DRAM2: variants seen among roughly 807,000 people sequenced by gnomAD.
DRAM2 encodes DNA damage-regulated autophagy modulator protein 2.
Under a neutral mutation model 33.5 loss-of-function variants are expected in DRAM2, and 26 were observed. The observed-to-expected ratio is 0.78, with a 90% CI of 0.57 to 1.08. The LOEUF (loss-of-function observed/expected upper bound fraction) is 1.08. Ranked by LOEUF, DRAM2 falls within the 50% of genes least tolerant of loss-of-function variation. DRAM2 has a pLI of 0.00. For synonymous variants in DRAM2, 98 were observed against 109.5 expected (o/e 0.89, Z 0.66); for missense variants, 311 against 318.1 (o/e 0.98, Z 0.17).
At chr1:111,136,339 G>A (rs1653132660) in intron 3 of DRAM2, among the ~76,000 whole-genome samples, 3 of 152,196 alleles carry the variant, frequency 2.0e-5, no homozygotes, top group African/African-American at 4.8e-5. Flanking sequence ...GCCGAGGCAG[G>A]CGGATCACGA....
In DRAM2 at chr1:111,126,345, T is replaced by C. The variant is rs371440372; in HGVS notation, c.132-51A>G. Reference sequence around the variant, plus strand: ...GGATTTCTCATACTAGATAAACACATATATTTCTTCTAAGGGATAAGAATA... The same window carrying C: ...GGATTTCTCATACTAGATAAACACACATATTTCTTCTAAGGGATAAGAATA... On this transcript the variant is annotated intron_variant, in intron 4 of 9. Transcript: ENST00000484310. 7 of 1,069,886 alleles carry C rather than the reference T, an allele frequency of 6.5e-6. No homozygotes were observed. The East Asian group carries it at 1.2e-4, about 18-fold the overall frequency. 66.3% of individuals were successfully genotyped at this position (1,069,886 alleles called of 1,614,324 possible). A position where few individuals can be genotyped will look rare whatever the true frequency, so the allele number is the denominator to read the frequency against.
At chr1:111,136,382 C>G (rs186029431) in intron 3 of DRAM2, among the ~76,000 whole-genome samples, 3 of 152,106 alleles carry the variant, frequency 2.0e-5, no homozygotes, top group African/African-American at 7.2e-5. Context: ...CTGGCCAGCA[C>G]GGTGAAACCC....
At chr1:111,121,021 G>C (rs947843991) in intron 6 of DRAM2, among the ~76,000 whole-genome samples, 4 of 152,038 alleles carry the variant, frequency 2.6e-5, no homozygotes, top group African/African-American at 9.6e-5. Flanking sequence ...AGATCCATTA[G>C]AGAACAAAAC....
At chr1:111,122,111 T>TA (rs1305059383) in intron 6 of DRAM2, among the ~76,000 whole-genome samples, 1 of 152,132 alleles carries the variant, frequency 6.6e-6, no homozygotes, top group Admixed American at 6.6e-5. Flanking sequence ...TTGAGTTAGT[T>TA]AGGCAGTTTG....
chr1:111,128,023 C>A (rs1008408195), intron 4 of DRAM2: 2 of 152,088 alleles, frequency 1.3e-5, no homozygotes, highest in African/African-American at 4.8e-5. Context: ...ACTACTTGAA[C>A]CAACTAAGAG....
At chr1:111,124,637 G>T in intron 6 of DRAM2, 105 bp downstream of exon 6, 2 of 1,242,264 alleles carry the variant, frequency 1.6e-6, no homozygotes, top group Non-Finnish European at 2.2e-6. Context: ...ATTTTGCTAA[G>T]GTAAAGAAAT....
intron 3 of DRAM2, among the ~76,000 whole-genome samples, chr1:111,133,479 G>A (rs1230340422): frequency 2.0e-5 from 3 of 152,056 alleles, no homozygotes; most frequent in Non-Finnish European, 4.4e-5. Context: ...TGCCCGGTCT[G>A]TCTTTACTTA....
intron 5 of DRAM2, 78 bp downstream of exon 5, chr1:111,126,149 G>C: frequency 4.6e-6 from 4 of 872,654 alleles, no homozygotes; most frequent in Non-Finnish European, 7.8e-6. Context: ...AGTAAAACAA[G>C]TAACACTCCA....
At chr1:111,120,783 A>G (rs1345555771) in intron 6 of DRAM2, 90 bp from the exon 7 acceptor site, 28 of 1,192,654 alleles carry the variant, frequency 2.3e-5, no homozygotes, top group Non-Finnish European at 3.2e-5. Context: ...AGAGATTTCA[A>G]TAGGACATTC....
intron 4 of DRAM2, among the ~76,000 whole-genome samples, chr1:111,130,840 CA>C (rs11296565): frequency 0.44 from 61,798 of 140,086 alleles, 13,548 homozygotes; most frequent in African/African-American, 0.6. Context: ...ACTAAAAATG[CA>C]AAAAAAAAAA....
chr1:111,134,752 CAT>C (rs371588018), intron 3 of DRAM2, among the ~76,000 whole-genome samples: 365 of 151,940 alleles, frequency 2.4e-3, no homozygotes, highest in Middle Eastern at 0.01. Flanking sequence ...GTCCCTTACA[CAT>C]ATGTTTTACA....
intron 3 of DRAM2, among the ~76,000 whole-genome samples, chr1:111,133,108 C>G (rs1477910435): frequency 6.6e-6 from 1 of 152,076 alleles, no homozygotes; most frequent in Non-Finnish European, 1.5e-5. Context: ...ACAATGGTTT[C>G]CCCTATACCC....
Position 111,119,975 on chromosome 1 carries a change from T to G in DRAM2, c.518-16A>C. On this transcript the variant is annotated splice_polypyrimidine_tract_variant and intron_variant, in intron 7 of 9. Coordinates refer to ENST00000484310, the MANE Select transcript of DRAM2 (RefSeq NM_001349884.2). ...CAAGTCAGCACTATAAAAACATAAGTCAAGGAAGAATCTCAGAGACGATCT... is the reference window on the plus strand; with the variant it reads ...CAAGTCAGCACTATAAAAACATAAGGCAAGGAAGAATCTCAGAGACGATCT... 6.2e-7 allele frequency: 1 copy of G among 1,605,392 alleles called. No homozygotes were observed. The highest frequency in any genetic ancestry group is 8.5e-7 in the Non-Finnish European group (1 of 1,173,426).
Position 111,117,596 on chromosome 1 carries a change from A to G in DRAM2, c.*564T>C, listed in dbSNP as rs1649176870. 1 of 153,088 alleles carries G rather than the reference A, an allele frequency of 6.5e-6. No homozygotes were observed. Among genetic ancestry groups the G allele is most frequent in the Admixed American group, 6.5e-5 (1 of 15,380 alleles). 9.5% of individuals were successfully genotyped at this position (153,088 alleles called of 1,614,324 possible). On this transcript the variant is annotated 3_prime_UTR_variant, in exon 10 of 10. Coordinates refer to ENST00000484310, the MANE Select transcript of DRAM2 (RefSeq NM_001349884.2). Reference sequence around the variant, plus strand: ...TCGTTACCTACAAAATCTCTTGGGCAACACTTAAGCCATGGAAGAGCCCAC... The same window carrying G: ...TCGTTACCTACAAAATCTCTTGGGCGACACTTAAGCCATGGAAGAGCCCAC...
chr1:111,120,381 C>CAAAAAAAAAAAAAAAAAAAAA (rs200318036), intron 7 of DRAM2, 135 bp downstream of exon 7: 1 of 169,110 alleles, frequency 5.9e-6, no homozygotes, highest in African/African-American at 4.3e-5. Context: ...ATCTCTCCTA[C>CAAAAAAAAAAAAAAAAAAAAA]AAAAAAAAAA....
intron 4 of DRAM2, among the ~76,000 whole-genome samples, chr1:111,130,189 C>T (rs776454744): frequency 5.9e-5 from 9 of 152,080 alleles, no homozygotes; most frequent in South Asian, 2.1e-4. Context: ...ATACTTAATA[C>T]GTCAAAAATA....
At chr1:111,130,849 AAAAAG>A (rs1651932924) in intron 4 of DRAM2, among the ~76,000 whole-genome samples, 1 of 151,804 alleles carries the variant, frequency 6.6e-6, no homozygotes, top group Non-Finnish European at 1.5e-5. Context: ...GCAAAAAAAA[AAAAAG>A]AAATCAGCTG....
At chr1:111,131,674 A>G in intron 3 of DRAM2, 106 bp from the exon 4 acceptor site, 1 of 1,081,716 alleles carries the variant, frequency 9.2e-7, no homozygotes, top group Non-Finnish European at 1.3e-6. Flanking sequence ...AAGCTGTTTC[A>G]CCTCTGAAAT....
intron 5 of DRAM2, 37 bp downstream of exon 5, chr1:111,126,190 T>A (rs755108622): frequency 2.3e-6 from 3 of 1,323,006 alleles, no homozygotes; most frequent in Non-Finnish European, 3.3e-6. Context: ...TGTAGCAATT[T>A]GGCTATTATC....
Sources: allele counts gnomAD v4.1 joint callset (sites outside exome capture counted in the v4.1 genomes callset), GRCh38; gene constraint gnomAD v4.1.1; transcripts MANE v1.5; gene names NCBI Gene and HGNC (gene_info 2026-07-23, HGNC 2026-07-21).